HERC1: variants seen among roughly 807,000 people sequenced by gnomAD.
The protein encoded by HERC1 is probable E3 ubiquitin-protein ligase HERC1.
A neutral mutation model predicts 554.3 loss-of-function variants in HERC1; 160 were observed. The ratio of observed to expected loss-of-function variants is 0.29; its 90% CI spans 0.25 to 0.33. HERC1 has a LOEUF of 0.33. Ranked by LOEUF, HERC1 falls within the 10% of genes least tolerant of loss-of-function variation. HERC1 has a pLI of 1.00. For synonymous variants in HERC1, 2,175 were observed against 2,131.7 expected, an observed-to-expected ratio of 1.02 and a Z score of -0.56; for missense variants, 4,919 against 5,918.5, an observed-to-expected ratio of 0.83 and a Z score of 5.54.
In HERC1 at chr15:63,718,566, A is replaced by C; in HGVS notation, c.3978+8T>G. On this transcript the variant is annotated splice_region_variant and intron_variant, in intron 21 of 77. Transcript: ENST00000443617. The surrounding 1 kb of genome is among the most constrained non-coding windows in gnomAD (Gnocchi z 4.2). ...AAAACATAGAAATTAATTGATTTCAAACTTTACCCATCTGTCCCGTGATGA... is the reference window on the plus strand; with the variant it reads ...AAAACATAGAAATTAATTGATTTCACACTTTACCCATCTGTCCCGTGATGA... 6.5e-7 allele frequency: 1 copy of C among 1,547,490 alleles called. No homozygotes were observed. Among genetic ancestry groups the C allele is most frequent in the Non-Finnish European group, 8.8e-7 (1 of 1,142,014 alleles).
At chr15:63,803,702 C>G (rs140632966) in intron 1 of HERC1, among the ~76,000 whole-genome samples, 13 of 152,326 alleles carry the variant, frequency 8.5e-5, no homozygotes, top group African/African-American at 2.9e-4. Flanking sequence ...CCTAACCACT[C>G]TTTCAAGATT....
At chr15:63,616,064 G>A in intron 75 of HERC1, 144 bp from the exon 76 acceptor site, 2 of 691,710 alleles carry the variant, frequency 2.9e-6, no homozygotes, top group Non-Finnish European at 4.8e-6. Context: ...GGACTGATCA[G>A]GCTACTTGAT....
In HERC1 at chr15:63,816,601, A is replaced by T. The variant is rs77575316; in HGVS notation, c.-27+17226T>A. Among the ~76,000 whole-genome samples, 430 of 152,316 alleles carry T rather than the reference A, an allele frequency of 2.8e-3. 1 individual carries two copies. Among genetic ancestry groups the T allele is most frequent in the African/African-American group, 9.7e-3 (402 of 41,570 alleles). ...GCTATTTATTTCATGATGAGATTTT[A>T]ACCTATTTATTTACCAACATCCTTT... On this transcript the variant is annotated intron_variant, in intron 1 of 77. Transcript: ENST00000443617.
chr15:63,779,347 A>C (rs773147226), intron 1 of HERC1, among the ~76,000 whole-genome samples: 2 of 152,190 alleles, frequency 1.3e-5, no homozygotes, highest in Non-Finnish European at 2.9e-5. Context: ...ATAAAATCCT[A>C]AAGACCTCCA....
At position 63,713,341 on chromosome 15, in the gene HERC1, A is replaced by C. The variant is rs547073874; in HGVS notation, c.4463+12T>G. 16 of 1,607,810 alleles carry C rather than the reference A, an allele frequency of 1.0e-5. No individual in the cohort carries two copies. The highest frequency in any genetic ancestry group is 1.3e-5 in the Non-Finnish European group (15 of 1,175,082). ...TGAGTAGGTCATGTTTTCAGTGTCT[A>C]GTCAGTCCCACCTGGTCATAAGTCC... On this transcript the variant is annotated intron_variant, in intron 23 of 77. Transcript: ENST00000443617.
intron 1 of HERC1, among the ~76,000 whole-genome samples, chr15:63,801,433 G>A (rs1428694664): frequency 6.6e-6 from 1 of 152,148 alleles, no homozygotes; most frequent in Non-Finnish European, 1.5e-5. Flanking sequence ...CAGCCCGTTG[G>A]TATCTGGAAA....
intron 1 of HERC1, among the ~76,000 whole-genome samples, chr15:63,796,407 AC>A (rs1305787000): frequency 6.6e-6 from 1 of 152,204 alleles, no homozygotes; most frequent in Non-Finnish European, 1.5e-5. Flanking sequence ...CAAAACTGAA[AC>A]CATCTTTGCA....
Position 63,630,651 on chromosome 15 carries a change from C to CAA in HERC1, c.12797-18_12797-17dup. 2 of 1,604,968 alleles carry CAA rather than the reference C, an allele frequency of 1.2e-6. No homozygotes were observed. Among genetic ancestry groups the CAA allele is most frequent in the Non-Finnish European group, 1.7e-6 (2 of 1,175,832 alleles). On this transcript the variant is annotated splice_polypyrimidine_tract_variant and intron_variant, in intron 68 of 77. Coordinates refer to ENST00000443617, the MANE Select transcript of HERC1 (RefSeq NM_003922.4). ...ATCAGGCGATCTGAAAAAAACAAAA[C>CAA]AAAAACATGTGGAAATGTTATGCAC...
At chr15:63,824,259 C>A (rs984788943) in intron 1 of HERC1, among the ~76,000 whole-genome samples, 1 of 152,050 alleles carries the variant, frequency 6.6e-6, no homozygotes, top group African/African-American at 2.4e-5. Context: ...AAGGGCTGGG[C>A]GCAGTTGCTC....
At chr15:63,822,751 T>C (rs190112589) in intron 1 of HERC1, among the ~76,000 whole-genome samples, 3 of 152,258 alleles carry the variant, frequency 2.0e-5, no homozygotes, top group Non-Finnish European at 2.9e-5. Context: ...ACTATTATAA[T>C]TACCCACACA....
chr15:63,654,310 C>G lies in HERC1; in HGVS notation c.10099G>C (p.Ala3367Pro), dbSNP rs202086716. 5.6e-6 allele frequency: 9 copies of G among 1,613,066 alleles called. No homozygotes were observed. In the Admixed American group the frequency reaches 1.2e-4, roughly 21 times the overall value. Residue 3367 changes from alanine (A) to proline (P), a missense_variant, in exon 51 of 78, where the codon GCT (alanine) becomes CCT (proline). This residue lies in a region of HERC1 where 1,963 missense variants were observed against 2,228.6 expected (regional missense o/e 0.88). Transcript: ENST00000443617. ...AGGCAGCAGGCTGCCAGGGCATTAG[C>G]CAACTCCAGAGGGCCTACAGCAGAA... is the stretch of plus-strand genomic sequence containing the variant. ...EVEKKGPLEL[A>P]NALAACCLSS...
intron 1 of HERC1, among the ~76,000 whole-genome samples, chr15:63,801,816 T>A (rs1358955006): frequency 6.6e-6 from 1 of 152,186 alleles, no homozygotes; most frequent in Non-Finnish European, 1.5e-5. Context: ...CTCCTCTTCA[T>A]GTACATACAT....
At chr15:63,808,933 C>G (rs769423139) in intron 1 of HERC1, among the ~76,000 whole-genome samples, 6 of 152,132 alleles carry the variant, frequency 3.9e-5, no homozygotes, top group African/African-American at 1.4e-4. Flanking sequence ...GTAAATTTAT[C>G]CTCACAGAAC....
chr15:63,752,635 T>C (rs964836987), intron 8 of HERC1: 2 of 183,060 alleles, frequency 1.1e-5, no homozygotes, highest in Non-Finnish European at 1.1e-5. Context: ...ACTGGCTCCA[T>C]CAAGATCTAG....
At chr15:63,824,103 C>T (rs2145845257) in intron 1 of HERC1, among the ~76,000 whole-genome samples, 1 of 152,110 alleles carries the variant, frequency 6.6e-6, no homozygotes, top group Non-Finnish European at 1.5e-5. Context: ...TCACCTGACA[C>T]CTGTGAGGAT....
Position 63,616,535 on chromosome 15 carries a change from T to C in HERC1, c.13836A>G (p.Pro4612=). Residue 4612 remains proline (P), a synonymous_variant, in exon 75 of 78, where the codon CCA becomes CCG. Transcript: ENST00000443617. ...PLVWKQLCCV[P]LTLEDLEEVD... ...CCTCCTCCAGGTCCTCTAGGGTGAGTGGGACACAGCACAGCTGCTTCCACA... is the reference window on the plus strand; with the variant it reads ...CCTCCTCCAGGTCCTCTAGGGTGAGCGGGACACAGCACAGCTGCTTCCACA... 6.2e-7 allele frequency: 1 copy of C among 1,613,846 alleles called. No homozygotes were observed. The highest frequency in any genetic ancestry group is 8.5e-7 in the Non-Finnish European group (1 of 1,179,862).
rs959606742 is a variant in HERC1, at chr15:63,656,440, C to T, written c.9600-82G>A. On this transcript the variant is annotated intron_variant, in intron 48 of 77. Coordinates refer to ENST00000443617, the MANE Select transcript of HERC1 (RefSeq NM_003922.4). ...CATTTGCAGTCCCACATAACATTCA[C>T]AGCATCAACAACCATAATAAAATGT... The T allele has an allele frequency of 1.5e-5, 18 of 1,176,706 alleles. No homozygotes were observed. In the Middle Eastern group the frequency reaches 6.1e-4, roughly 40 times the overall value. The allele number at this position is 1,176,706 out of a possible 1,614,324, so 72.9% of individuals were successfully genotyped here. A position where few individuals can be genotyped will look rare whatever the true frequency, so the allele number is the denominator to read the frequency against.
intron 2 of HERC1, among the ~76,000 whole-genome samples, chr15:63,768,717 T>C (rs1456328710): frequency 6.6e-6 from 1 of 152,214 alleles, no homozygotes; most frequent in Admixed American, 6.5e-5. Context: ...GAAAACAGCA[T>C]AAAGTTTTTA....
intron 43 of HERC1, among the ~76,000 whole-genome samples, chr15:63,664,227 A>G (rs2070499374): frequency 6.6e-6 from 1 of 152,188 alleles, no homozygotes; most frequent in South Asian, 2.1e-4. Flanking sequence ...AATTTCTCAA[A>G]ATCTACAAGT....
Sources: allele counts gnomAD v4.1 joint callset (sites outside exome capture counted in the v4.1 genomes callset), GRCh38; gene constraint gnomAD v4.1.1; regional missense constraint gnomAD v4.1.1; non-coding constraint Gnocchi (gnomAD v3.1); transcripts MANE v1.5; gene names NCBI Gene and HGNC (gene_info 2026-07-23, HGNC 2026-07-21).